SNTG2: variants seen among roughly 807,000 people sequenced by gnomAD.
SNTG2 encodes syntrophin gamma 2, also known as gamma-2-syntrophin.
A neutral mutation model predicts 70.9 loss-of-function variants in SNTG2; 74 were observed. That is an observed-to-expected ratio of 1.04 (90% CI 0.86 to 1.27). The LOEUF (loss-of-function observed/expected upper bound fraction) is 1.27, where lower values mean the gene tolerates loss of function less well. Ranked by LOEUF, SNTG2 falls within the 50% of genes most tolerant of loss-of-function variation. SNTG2 has a pLI of 0.00. For missense variants in SNTG2, 717 were observed against 690.7 expected (o/e 1.04, Z -0.43); for synonymous variants, 278 against 273.8 (o/e 1.02, Z -0.15).
chr2:1,167,413 A>T (rs188983918), intron 7 of SNTG2, among the ~76,000 whole-genome samples: 2 of 148,188 alleles, frequency 1.3e-5, no homozygotes, highest in African/African-American at 2.5e-5. Flanking sequence ...CAGACGGCAG[A>T]ACTGAAGCCT....
chr2:1,324,221 C>T (rs887967680), intron 16 of SNTG2, among the ~76,000 whole-genome samples: 3 of 152,148 alleles, frequency 2.0e-5, no homozygotes, highest in African/African-American at 4.8e-5. Context: ...ATGGTGTTAG[C>T]GCCCAGTAGC....
chr2:1,271,566 A>G (rs1035477597), intron 14 of SNTG2, among the ~76,000 whole-genome samples: 2 of 152,086 alleles, frequency 1.3e-5, no homozygotes, highest in African/African-American at 4.8e-5. Context: ...CCAACAATAA[A>G]CAATACCTAT....
intron 4 of SNTG2, among the ~76,000 whole-genome samples, chr2:1,105,323 C>T (rs770321590): frequency 2.0e-5 from 3 of 152,200 alleles, no homozygotes; most frequent in Admixed American, 1.3e-4. Flanking sequence ...CAGGCATCTG[C>T]TGCAGGGCTT....
intron 16 of SNTG2, among the ~76,000 whole-genome samples, chr2:1,339,728 A>G (rs1442454062): frequency 6.6e-6 from 1 of 152,204 alleles, no homozygotes; most frequent in Admixed American, 6.5e-5. Flanking sequence ...CTGCCACACC[A>G]CAGTAGAGGA....
At chr2:1,099,613 C>CAT (rs1558397789) in intron 4 of SNTG2, among the ~76,000 whole-genome samples, 4 of 152,030 alleles carry the variant, frequency 2.6e-5, no homozygotes, top group African/African-American at 7.2e-5. Context: ...ATGGTCAGGT[C>CAT]CTCTGAAGGT....
At position 976,712 on chromosome 2, in the gene SNTG2, A is replaced by T. The variant is rs182670576; in HGVS notation, c.72+25644A>T. 2.2e-4 allele frequency among the ~76,000 whole-genome samples: 33 copies of T among 152,260 alleles called. No individual in the cohort carries two copies. In the East Asian group the frequency reaches 6.2e-3, roughly 28 times the overall value. On this transcript the variant is annotated intron_variant, in intron 1 of 16. Transcript: ENST00000308624. ...CCTACACATTTACAATCCTGGTGGC[A>T]CCTGCTGTCCACTCCCCAGCCCTGT... is the stretch of plus-strand genomic sequence containing the variant.
intron 6 of SNTG2, among the ~76,000 whole-genome samples, chr2:1,147,260 G>A (rs1259224634): frequency 2.0e-5 from 3 of 152,162 alleles, no homozygotes; most frequent in Non-Finnish European, 4.4e-5. Flanking sequence ...TTGGATTGAA[G>A]GATGCAAATT....
At chr2:1,296,016 T>C (rs552097094) in intron 14 of SNTG2, among the ~76,000 whole-genome samples, 61 of 151,740 alleles carry the variant, frequency 4.0e-4, no homozygotes, top group African/African-American at 1.3e-3. Context: ...TCACCATCGA[T>C]GGCTTTCACT....
At chr2:1,252,620 A>G (rs1677833529) in intron 12 of SNTG2, among the ~76,000 whole-genome samples, 1 of 152,178 alleles carries the variant, frequency 6.6e-6, no homozygotes, top group South Asian at 2.1e-4. Context: ...CTGCCTGGTT[A>G]CAGGTGGAAT....
chr2:1,182,197 T>G (rs1671950878), intron 8 of SNTG2, among the ~76,000 whole-genome samples: 1 of 152,162 alleles, frequency 6.6e-6, no homozygotes, highest in Admixed American at 6.5e-5. Flanking sequence ...TGAGAAGATT[T>G]AAAGTGCTCA....
intron 6 of SNTG2, among the ~76,000 whole-genome samples, chr2:1,145,321 A>G (rs1669026863): frequency 6.6e-6 from 1 of 152,196 alleles, no homozygotes; most frequent in Non-Finnish European, 1.5e-5. Context: ...AAATATAAAT[A>G]AACTTATAAG....
intron 16 of SNTG2, among the ~76,000 whole-genome samples, chr2:1,361,598 G>A (rs192266765): frequency 6.6e-6 from 1 of 152,354 alleles, no homozygotes; most frequent in East Asian, 1.9e-4. Context: ...TTCCATGAAA[G>A]TCACCGACGC....
chr2:952,741 A>G (rs1437280817), intron 1 of SNTG2, among the ~76,000 whole-genome samples: 2 of 152,214 alleles, frequency 1.3e-5, no homozygotes. Context: ...TTGCAGTCAT[A>G]AGTAATTAGG....
chr2:1,271,776 C>T (rs1193133821), intron 14 of SNTG2, among the ~76,000 whole-genome samples: 1 of 152,062 alleles, frequency 6.6e-6, no homozygotes, highest in East Asian at 1.9e-4. Flanking sequence ...GCTGTGCCAG[C>T]CTAGGTCATG....
intron 16 of SNTG2, among the ~76,000 whole-genome samples, chr2:1,347,157 C>G (rs746549689): frequency 4.6e-5 from 7 of 152,192 alleles, no homozygotes; most frequent in Non-Finnish European, 2.9e-5. Context: ...CAGTGCTAAC[C>G]CTACCCAGGT....
At chr2:1,366,080 ATCTT>A (rs1291413837) in intron 16 of SNTG2, among the ~76,000 whole-genome samples, 4 of 152,268 alleles carry the variant, frequency 2.6e-5, no homozygotes, top group Admixed American at 2.6e-4. Context: ...AAAATGATTT[ATCTT>A]TCTTTCTGGT....
At chr2:1,364,861 G>T (rs1336812354) in intron 16 of SNTG2, among the ~76,000 whole-genome samples, 1 of 152,090 alleles carries the variant, frequency 6.6e-6, no homozygotes, top group African/African-American at 2.4e-5. Flanking sequence ...AGTGAGTGGA[G>T]GTTGTGCCAC....
chr2:1,043,161 T>G (rs11891839), intron 1 of SNTG2, among the ~76,000 whole-genome samples: 14,691 of 152,222 alleles, frequency 0.097, 803 homozygotes, highest in Middle Eastern at 0.15. Flanking sequence ...TGGCCACATA[T>G]ACGTCTTTTT....
chr2:1,362,751 A>C (rs373735210), intron 16 of SNTG2, among the ~76,000 whole-genome samples: 1 of 106,456 alleles, frequency 9.4e-6, no homozygotes, highest in South Asian at 3.3e-4. Context: ...GAGCATTTCA[A>C]TAGAACTTCC....
Sources: allele counts gnomAD v4.1 joint callset (sites outside exome capture counted in the v4.1 genomes callset), GRCh38; gene constraint gnomAD v4.1.1; transcripts MANE v1.5; gene names NCBI Gene and HGNC (gene_info 2026-07-23, HGNC 2026-07-21).